The following NIN variants were observed in gnomAD, a reference collection of about 807,000 sequenced individuals.
The protein encoded by NIN is glycogen synthase kinase 3 beta-interacting protein.
Under a neutral mutation model 257.6 loss-of-function variants are expected in NIN, and 137 were observed. That is an observed-to-expected ratio of 0.53 (90% CI 0.46 to 0.61). The LOEUF is 0.61. NIN is among the 20% of genes least tolerant of loss of function. NIN has a pLI of 0.00. For missense variants in NIN, 2,439 were observed against 2,501.2 expected (o/e 0.98, Z 0.53); for synonymous variants, 918 against 919.8 (o/e 1.00, Z 0.04).
intron 16 of NIN, among the ~76,000 whole-genome samples, chr14:50,761,122 G>A (rs1053875855): frequency 4.6e-5 from 7 of 152,056 alleles, no homozygotes; most frequent in African/African-American, 1.4e-4. Flanking sequence ...ACAGTAGGAG[G>A]CAGAAAATAA....
In NIN at chr14:50,792,757, A is replaced by C; in HGVS notation, c.390T>G (p.Asp130Glu). ...FPEVTVIEPL[D>E]EEARPSHIPA... Reference sequence around the variant, plus strand: ...GGATGTGTGAAGGCCGCGCTTCTTCATCCAGTGGCTCAATCACCGTCACTT... The same window carrying C: ...GGATGTGTGAAGGCCGCGCTTCTTCCTCCAGTGGCTCAATCACCGTCACTT... The change falls in exon 5 of 31, where the codon GAT (aspartate) becomes GAG (glutamate). Residue 130 changes from aspartate to glutamate, a missense_variant. By Grantham distance (45) the Asp-to-Glu change is conservative. Transcript: ENST00000530997. The C allele has an allele frequency of 6.2e-7, 1 of 1,614,158 alleles. No homozygotes were observed. Among genetic ancestry groups the C allele is most frequent in the East Asian group, 2.2e-5 (1 of 44,878 alleles).
In NIN at chr14:50,821,970, C is replaced by A. The variant is rs1007062735; in HGVS notation, c.87G>T (p.Gly29=). ...GGCAAAGGTCGGTGAGTTCCTCCTG[C>A]CCCAGGGACCCTGTGCCCGTCGTGT... ...SFDTTGTGSL[G]QEELTDLCHM... Residue 29 remains glycine, a synonymous_variant, in exon 3 of 31, where the codon GGG becomes GGT. Coordinates refer to ENST00000530997, the MANE Select transcript of NIN (RefSeq NM_020921.4). 1.9e-6 allele frequency: 3 copies of A among 1,614,174 alleles called. No homozygotes were observed. The highest frequency in any genetic ancestry group is 2.5e-6 in the Non-Finnish European group (3 of 1,180,012).
At chr14:50,755,999 G>A (rs1450060582) in intron 18 of NIN, among the ~76,000 whole-genome samples, 1 of 151,970 alleles carries the variant, frequency 6.6e-6, no homozygotes, top group Non-Finnish European at 1.5e-5. Context: ...ATCAGCATGT[G>A]CTTCAAGTGA....
chr14:50,765,874 G>A (rs1457426570), intron 14 of NIN, among the ~76,000 whole-genome samples: 2 of 145,700 alleles, frequency 1.4e-5, no homozygotes, highest in Non-Finnish European at 3.0e-5. Flanking sequence ...TATACTTTAA[G>A]CTTTAGGGTA....
intron 4 of NIN, among the ~76,000 whole-genome samples, chr14:50,800,868 C>T (rs147498961): frequency 3.0e-3 from 456 of 151,682 alleles, no homozygotes; most frequent in Non-Finnish European, 5.2e-3. Context: ...CTGCAACCTC[C>T]GCCTCCTGGG....
rs2045241984 is a variant in NIN at position 50,821,953 on chromosome 14, T to C, written c.104A>G (p.Asp35Gly). 1.2e-6 allele frequency: 2 copies of C among 1,614,058 alleles called. No individual in the cohort carries two copies. Among genetic ancestry groups the C allele is most frequent in the Non-Finnish European group, 1.7e-6 (2 of 1,179,990 alleles). ...TGSLGQEELT[D>G]LCHMLSLEEV... ...CTCCAAGCTCAACATGTGGCAAAGGTCGGTGAGTTCCTCCTGCCCCAGGGA... is the reference window on the plus strand; with the variant it reads ...CTCCAAGCTCAACATGTGGCAAAGGCCGGTGAGTTCCTCCTGCCCCAGGGA... The change falls in exon 3 of 31, where the codon GAC (aspartate) becomes GGC (glycine). Residue 35 changes from aspartate to glycine, a missense_variant. Transcript: ENST00000530997.
In NIN at chr14:50,759,911, T is replaced by G. The variant is rs1200088319; in HGVS notation, c.2345A>C (p.Glu782Ala). ...SLVEKHTLEKEELRKELLEKH... is the reference protein window; with the variant it reads ...SLVEKHTLEKAELRKELLEKH... ...TTCCAAGAGCTCTTTTCTTAACTCC[T>G]CTTTCTCAAGAGTGTGTTTCTCCAC... The change falls in exon 17 of 31, where the codon GAG becomes GCG. Residue 782 changes from glutamate (E) to alanine (A), a missense_variant. This residue lies in a region of NIN where 2,043 missense variants were observed against 2,050.2 expected (regional missense o/e 1.00). Coordinates refer to ENST00000530997, the MANE Select transcript of NIN (RefSeq NM_020921.4). 1 of 1,614,050 alleles carries G rather than the reference T, an allele frequency of 6.2e-7. No homozygotes were observed. Among genetic ancestry groups the G allele is most frequent in the Admixed American group, 1.7e-5 (1 of 59,972 alleles).
At chr14:50,740,037 C>G (rs2041199735) in intron 25 of NIN, among the ~76,000 whole-genome samples, 1 of 151,548 alleles carries the variant, frequency 6.6e-6, no homozygotes, top group African/African-American at 2.4e-5. Flanking sequence ...TTTCAGCTAC[C>G]AAAGTGATTT....
rs1283578913 is a variant in NIN, at chr14:50,721,238, G to C, written c.*2225C>G. 3 of 202,310 alleles carry C rather than the reference G, an allele frequency of 1.5e-5. No homozygotes were observed. Among genetic ancestry groups the C allele is most frequent in the South Asian group, 1.9e-4 (1 of 5,262 alleles). 12.5% of individuals were successfully genotyped at this position (202,310 alleles called of 1,614,324 possible). On this transcript the variant is annotated 3_prime_UTR_variant, in exon 31 of 31. Transcript: ENST00000530997. ...GATGTTGGTTAAATTCATTTGAGCA[G>C]CATTTTGATTTTGAATAGAGATTCT... is the stretch of plus-strand genomic sequence containing the variant.
Position 50,733,473 on chromosome 14 carries a change from AT to A in NIN, c.5877+2042del, listed in dbSNP as rs200777291. On this transcript the variant is annotated intron_variant, in intron 28 of 30. Coordinates refer to ENST00000530997, the MANE Select transcript of NIN (RefSeq NM_020921.4). ...TTCTTTTCAGTGTTCAAATAGAAAA[AT>A]CCATGCTTTTTCCTTAGCTGTTCGG... Among the ~76,000 whole-genome samples the A allele has an allele frequency of 4.5e-3, 687 of 152,200 alleles. 8 individuals carry two copies. Among genetic ancestry groups the A allele is most frequent in the African/African-American group, 0.015 (639 of 41,512 alleles).
intron 14 of NIN, among the ~76,000 whole-genome samples, chr14:50,765,243 A>AT (rs1438985180): frequency 6.6e-6 from 1 of 152,170 alleles, no homozygotes; most frequent in Non-Finnish European, 1.5e-5. Context: ...TCTTAAAAAA[A>AT]GTAAGAAAGA....
chr14:50,739,468 G>C lies in NIN; in HGVS notation c.5468C>G (p.Ala1823Gly). 6.2e-7 allele frequency: 1 copy of C among 1,614,204 alleles called. No individual in the cohort carries two copies. Among genetic ancestry groups the C allele is most frequent in the Non-Finnish European group, 8.5e-7 (1 of 1,180,030 alleles). ...AGGKSWAPEI[A>G]THPSGLHNQQ... ...GTTATGGAGCCCTGATGGATGAGTA[G>C]CTATCTCTGGGGCCCAGCTCTTAAG... Residue 1823 changes from alanine (A) to glycine (G), a missense_variant, in exon 26 of 31, where the codon GCT becomes GGT. Coordinates refer to ENST00000530997, the MANE Select transcript of NIN (RefSeq NM_020921.4).
rs963423789 is a variant in NIN, at chr14:50,720,078, G to T, written c.*3385C>A. ...AGCTGAGAAGCAAAAAGCTAACTTT[G>T]ATTTGTTAAACAGCTATTCATATGC... On this transcript the variant is annotated 3_prime_UTR_variant, in exon 31 of 31. Transcript: ENST00000530997. 5.4e-5 allele frequency: 12 copies of T among 220,384 alleles called. No individual in the cohort carries two copies. Among genetic ancestry groups the T allele is most frequent in the Non-Finnish European group, 1.1e-4 (12 of 109,998 alleles). The allele number at this position is 220,384 out of a possible 1,614,324, so 13.7% of individuals were successfully genotyped here.
chr14:50,753,800 C>T (rs1197750216), intron 20 of NIN, among the ~76,000 whole-genome samples: 2 of 151,960 alleles, frequency 1.3e-5, no homozygotes, highest in Non-Finnish European at 2.9e-5. Flanking sequence ...TTACTTCTTG[C>T]TAATTCAATA....
chr14:50,766,681 T>C lies in NIN; in HGVS notation c.1545+99A>G, dbSNP rs572997889. On this transcript the variant is annotated intron_variant, in intron 13 of 30. Transcript: ENST00000530997. ...GAGCACCATTTAGCTACCCCAGTAA[T>C]TGCCTAATAAAAATGTTCTGGTGGC... The C allele has an allele frequency of 1.0e-5, 8 of 800,034 alleles. No individual in the cohort carries two copies. The South Asian group carries it at 1.3e-4, about 13-fold the overall frequency. The allele number at this position is 800,034 out of a possible 1,614,324, so 49.6% of individuals were successfully genotyped here.
In NIN at chr14:50,766,402, A is replaced by G; in HGVS notation, c.1546-6T>C. The G allele has an allele frequency of 1.9e-6, 3 of 1,613,872 alleles. No homozygotes were observed. Among genetic ancestry groups the G allele is most frequent in the Middle Eastern group, 1.7e-4 (1 of 6,060 alleles). On this transcript the variant is annotated splice_polypyrimidine_tract_variant and splice_region_variant and intron_variant, in intron 13 of 30. Transcript: ENST00000530997. ...CTAGGATCGAGGTCACCAAACTAGAAGGGGAAAAGGGCAAAGCTGTCATTT... is the reference window on the plus strand; with the variant it reads ...CTAGGATCGAGGTCACCAAACTAGAGGGGGAAAAGGGCAAAGCTGTCATTT...
chr14:50,737,473 G>A (rs1222265039), intron 27 of NIN, among the ~76,000 whole-genome samples: 2 of 60,998 alleles, frequency 3.3e-5, no homozygotes, highest in South Asian at 6.1e-4. Context: ...GACAAGAAAT[G>A]TTGTTTTAAT....
At position 50,771,451 on chromosome 14, in the gene NIN, G is replaced by C; in HGVS notation, c.999C>G (p.Leu333=). 1 of 1,614,048 alleles carries C rather than the reference G, an allele frequency of 6.2e-7. No individual in the cohort carries two copies. The part of the protein sequence containing the change: ...QEILKALDFS[L]DGNINLTELT... ...ATTCTGTCAAATTGATGTTTCCATC[G>C]AGGCTGAAATCCAAGGCCTAGAAAT... The change falls in exon 10 of 31, where the codon CTC becomes CTG. Residue 333 remains leucine (L), a synonymous_variant. Coordinates refer to ENST00000530997, the MANE Select transcript of NIN (RefSeq NM_020921.4).
chr14:50,748,054 G>A lies in NIN; in HGVS notation c.5002C>T (p.Gln1668Ter). 5 of 1,614,010 alleles carry A rather than the reference G, an allele frequency of 3.1e-6. No individual in the cohort carries two copies. Among genetic ancestry groups the A allele is most frequent in the Non-Finnish European group, 4.2e-6 (5 of 1,179,912 alleles). The change falls in exon 22 of 31, where the codon CAG (glutamine) becomes TAG (stop). Residue 1668 changes from glutamine to a stop codon, truncating the protein, a stop_gained. Transcript: ENST00000530997. LOFTEE classifies it high-confidence loss of function. Reference sequence around the variant, plus strand: ...TTTTCCTGTTGCACAATATGGGTCTGTATTTTAACTTCAGAGAGCTCCGCC... The same window carrying A: ...TTTTCCTGTTGCACAATATGGGTCTATATTTTAACTTCAGAGAGCTCCGCC... ...LEAELSEVKIQTHIVQQENHL... is the reference protein window; with the variant it reads ...LEAELSEVKI
Sources: allele counts gnomAD v4.1 joint callset (sites outside exome capture counted in the v4.1 genomes callset), GRCh38; gene constraint gnomAD v4.1.1; regional missense constraint gnomAD v4.1.1; transcripts MANE v1.5; gene names NCBI Gene and HGNC (gene_info 2026-07-23, HGNC 2026-07-21).